NPAS2: variants seen among roughly 807,000 people sequenced by gnomAD.
The protein encoded by NPAS2 is neuronal PAS domain protein 2.
Under a neutral mutation model 107.5 loss-of-function variants are expected in NPAS2, and 23 were observed. The ratio of observed to expected loss-of-function variants is 0.21; its 90% confidence interval spans 0.15 to 0.30. NPAS2 has a LOEUF of 0.30. NPAS2 is among the 10% of genes least tolerant of loss of function. NPAS2 has a pLI of 1.00. For synonymous variants in NPAS2, 403 were observed against 417.5 expected, an observed-to-expected ratio of 0.97 and a Z score of 0.42; for missense variants, 756 against 1,043.3, an observed-to-expected ratio of 0.72 and a Z score of 3.79.
intron 7 of NPAS2, among the ~76,000 whole-genome samples, chr2:100,961,683 G>A (rs187285958): frequency 2.6e-5 from 4 of 152,294 alleles, no homozygotes; most frequent in Admixed American, 1.3e-4. Context: ...GGTCCAGGTC[G>A]CTGCTGCCCT....
rs1219348075 is a variant in NPAS2 at position 100,830,667 on chromosome 2, G to A, written c.-23+10253G>A. ...TCATGGTTCTCCGACATGGGCTGGA[G>A]TCCTTTTGGAGTATTTTCACAAATA... On this transcript the variant is annotated intron_variant, in intron 1 of 20. Coordinates refer to ENST00000335681, the MANE Select transcript of NPAS2 (RefSeq NM_002518.4). Among the ~76,000 whole-genome samples the A allele has an allele frequency of 2.0e-5, 3 of 152,204 alleles. No individual in the cohort carries two copies. The East Asian group carries it at 5.8e-4, about 29-fold the overall frequency.
intron 19 of NPAS2, among the ~76,000 whole-genome samples, chr2:100,991,523 A>G (rs185598600): frequency 2.2e-3 from 329 of 152,322 alleles, no homozygotes; most frequent in African/African-American, 7.5e-3. Context: ...ACTAACCAGG[A>G]CAGTGCTAGC....
chr2:100,856,188 T>C (rs1032809992), intron 1 of NPAS2, among the ~76,000 whole-genome samples: 1 of 152,252 alleles, frequency 6.6e-6, no homozygotes, highest in African/African-American at 2.4e-5. Flanking sequence ...TAACTCTCCC[T>C]GTGGCATGTA....
In NPAS2 at chr2:100,990,907, G is replaced by A. The variant is rs370682130; in HGVS notation, c.2111+35G>A. ...CCCTGGCGGGAGGCAGGAGGCAAGCGCTGGTGGAATGGTTCCAGGCTGGCC... is the reference window on the plus strand; with the variant it reads ...CCCTGGCGGGAGGCAGGAGGCAAGCACTGGTGGAATGGTTCCAGGCTGGCC... On this transcript the variant is annotated intron_variant, in intron 19 of 20. Transcript: ENST00000335681. 1.5e-5 allele frequency: 24 copies of A among 1,578,062 alleles called. 1 individual carries two copies. The highest frequency in any genetic ancestry group is 1.3e-4 in the African/African-American group (10 of 74,232).
At chr2:100,872,755 A>C (rs1251888868) in intron 1 of NPAS2, among the ~76,000 whole-genome samples, 1 of 152,156 alleles carries the variant, frequency 6.6e-6, no homozygotes, top group Non-Finnish European at 1.5e-5. Context: ...CTGGATGAGA[A>C]GCCCAGAAAA....
intron 1 of NPAS2, among the ~76,000 whole-genome samples, chr2:100,892,092 T>C (rs566649633): frequency 1.3e-5 from 2 of 152,320 alleles, no homozygotes; most frequent in South Asian, 4.1e-4. Context: ...GACTCAGGTT[T>C]ACACTGTGCC....
intron 16 of NPAS2, chr2:100,985,595 T>C (rs1183011403): frequency 1.3e-5 from 2 of 152,214 alleles, no homozygotes; most frequent in African/African-American, 4.8e-5. Flanking sequence ...CATTCATTCA[T>C]TTATCAAACA....
intron 3 of NPAS2, among the ~76,000 whole-genome samples, chr2:100,928,949 G>A (rs1269839569): frequency 1.6e-4 from 25 of 152,176 alleles, no homozygotes; most frequent in Admixed American, 1.4e-3. Flanking sequence ...TGTCACCCAG[G>A]CTAGAGTGCA....
intron 1 of NPAS2, among the ~76,000 whole-genome samples, chr2:100,881,190 C>T (rs1420027380): frequency 6.6e-6 from 1 of 152,224 alleles, no homozygotes; most frequent in Non-Finnish European, 1.5e-5. Flanking sequence ...CCTACCTCGG[C>T]CCCAACAGGG....
At chr2:100,923,726 G>C (rs1317461107) in intron 2 of NPAS2, among the ~76,000 whole-genome samples, 1 of 152,180 alleles carries the variant, frequency 6.6e-6, no homozygotes, top group Non-Finnish European at 1.5e-5. Context: ...GTTGACTTCT[G>C]GAACAAGTCT....
chr2:100,842,599 G>T (rs1354220184), intron 1 of NPAS2, among the ~76,000 whole-genome samples: 1 of 152,034 alleles, frequency 6.6e-6, no homozygotes, highest in Non-Finnish European at 1.5e-5. Context: ...GTCCTTAGTC[G>T]TGCAAGGTGG....
intron 2 of NPAS2, among the ~76,000 whole-genome samples, chr2:100,924,058 C>G (rs1366514978): frequency 6.6e-6 from 1 of 152,100 alleles, no homozygotes; most frequent in Non-Finnish European, 1.5e-5. Flanking sequence ...GTGTGCAGCA[C>G]AGGGTGTCAC....
At chr2:100,838,650 C>A (rs943095982) in intron 1 of NPAS2, among the ~76,000 whole-genome samples, 1 of 152,112 alleles carries the variant, frequency 6.6e-6, no homozygotes, top group Non-Finnish European at 1.5e-5. Context: ...TCAGAAGACC[C>A]CTGGTCTAGG....
chr2:100,898,042 C>T (rs1488047806), intron 1 of NPAS2, among the ~76,000 whole-genome samples: 1 of 152,066 alleles, frequency 6.6e-6, no homozygotes, highest in African/African-American at 2.4e-5. Context: ...AAAATTGATC[C>T]CCAAATTCAA....
intron 15 of NPAS2, among the ~76,000 whole-genome samples, chr2:100,978,048 T>C (rs1307622653): frequency 1.3e-5 from 2 of 151,778 alleles, no homozygotes; most frequent in Non-Finnish European, 2.9e-5. Context: ...GAACAGGTGG[T>C]GTTTGATTGT....
Position 100,940,658 on chromosome 2 carries a change from A to G in NPAS2, c.363+2816A>G, listed in dbSNP as rs1187166423. On this transcript the variant is annotated intron_variant, in intron 5 of 20. Transcript: ENST00000335681. ...TATGGATCCTATGAAGTACATAGTT[A>G]CCCAGTTCACAGATGATGAAACTGA... 2.6e-5 allele frequency among the ~76,000 whole-genome samples: 4 copies of G among 152,202 alleles called. No homozygotes were observed. The East Asian group carries it at 5.8e-4, about 22-fold the overall frequency.
intron 5 of NPAS2, among the ~76,000 whole-genome samples, chr2:100,942,522 A>AT (rs1028130977): frequency 2.0e-5 from 3 of 151,764 alleles, no homozygotes; most frequent in East Asian, 1.9e-4. Flanking sequence ...CTCTAGTTAG[A>AT]TTTTTTTTAT....
chr2:100,838,067 T>C (rs1677174679), intron 1 of NPAS2, among the ~76,000 whole-genome samples: 3 of 152,128 alleles, frequency 2.0e-5, no homozygotes, highest in Non-Finnish European at 2.9e-5. Flanking sequence ...GCCCTACCTG[T>C]CTTTCAGTGG....
intron 19 of NPAS2, among the ~76,000 whole-genome samples, chr2:100,991,671 G>A (rs1223343660): frequency 6.6e-6 from 1 of 152,346 alleles, no homozygotes; most frequent in East Asian, 1.9e-4. Context: ...CTGAGGGTCA[G>A]GGTCTGTATG....
Sources: allele counts gnomAD v4.1 joint callset (sites outside exome capture counted in the v4.1 genomes callset), GRCh38; gene constraint gnomAD v4.1.1; transcripts MANE v1.5; gene names NCBI Gene and HGNC (gene_info 2026-07-23, HGNC 2026-07-21).